The following FRMD5 variants were observed in gnomAD, a reference collection of about 807,000 sequenced individuals.
FRMD5 encodes the protein FERM domain containing 5, also known as FERM domain-containing protein 5.
A neutral mutation model predicts 69.0 loss-of-function variants in FRMD5; 20 were observed. That is an observed-to-expected ratio of 0.29 (90% CI 0.20 to 0.42). FRMD5 has a LOEUF of 0.42. Ranked by LOEUF, FRMD5 falls within the 10% of genes least tolerant of loss-of-function variation. The pLI is 1.00. For missense variants in FRMD5, 595 were observed against 708.6 expected (o/e 0.84, Z 1.82); for synonymous variants, 271 against 260.1 (o/e 1.04, Z -0.40).
At chr15:43,902,047 G>T (rs527799919) in intron 7 of FRMD5, 128 bp downstream of exon 7, 2 of 702,258 alleles carry the variant, frequency 2.8e-6, no homozygotes, top group South Asian at 3.4e-5. Flanking sequence ...CATTTTCTCT[G>T]ATATCTCACT....
upstream of FRMD5, among the ~76,000 whole-genome samples, chr15:44,198,367 C>T (rs904761976): frequency 6.7e-6 from 1 of 149,990 alleles, no homozygotes; most frequent in Admixed American, 6.7e-5. Flanking sequence ...ATCACATCTG[C>T]TTAGATGCTC....
At chr15:44,158,013 G>A (rs2077554310) in intron 1 of FRMD5, among the ~76,000 whole-genome samples, 2 of 152,130 alleles carry the variant, frequency 1.3e-5, no homozygotes, top group East Asian at 1.9e-4. Context: ...GACCTTTCTA[G>A]TTGAGCATCT....
intron 1 of FRMD5, among the ~76,000 whole-genome samples, chr15:44,047,572 T>C (rs564258298): frequency 5.3e-5 from 8 of 152,350 alleles, no homozygotes; most frequent in Non-Finnish European, 1.0e-4. Flanking sequence ...AATGGATTTA[T>C]TGAGATATAC....
upstream of FRMD5, among the ~76,000 whole-genome samples, chr15:44,198,880 A>T (rs2078325535): frequency 6.6e-6 from 1 of 152,242 alleles, no homozygotes; most frequent in South Asian, 2.1e-4. Flanking sequence ...ACATTTAAAA[A>T]TAAGAATCCA....
chr15:44,035,170 C>T (rs146745516), intron 1 of FRMD5, among the ~76,000 whole-genome samples: 12 of 152,220 alleles, frequency 7.9e-5, no homozygotes, highest in Admixed American at 1.3e-4. Context: ...GTGACTCTTC[C>T]GGGGCTAAGT....
At chr15:44,155,860 G>T (rs1566975274) in intron 1 of FRMD5, among the ~76,000 whole-genome samples, 1 of 152,016 alleles carries the variant, frequency 6.6e-6, no homozygotes, top group African/African-American at 2.4e-5. Flanking sequence ...CTTCCAAAGT[G>T]CTGGGATTAC....
intron 1 of FRMD5, among the ~76,000 whole-genome samples, chr15:43,938,575 C>A (rs2089804369): frequency 6.6e-6 from 1 of 152,180 alleles, no homozygotes; most frequent in South Asian, 2.1e-4. Flanking sequence ...GGTAGCTATG[C>A]ACATATATAC....
intron 13 of FRMD5, among the ~76,000 whole-genome samples, chr15:43,880,961 T>G (rs2088510132): frequency 6.6e-6 from 1 of 152,174 alleles, no homozygotes. Flanking sequence ...TCAGCATGTC[T>G]CAGGATCACA....
chr15:43,904,524 C>T (rs1363561094), intron 6 of FRMD5, among the ~76,000 whole-genome samples: 3 of 152,022 alleles, frequency 2.0e-5, no homozygotes, highest in African/African-American at 7.2e-5. Context: ...TGTGCCACCA[C>T]ATCTGGCTTT....
intron 2 of FRMD5, among the ~76,000 whole-genome samples, chr15:43,921,881 G>C (rs1433167926): frequency 2.0e-5 from 3 of 152,216 alleles, no homozygotes; most frequent in Non-Finnish European, 4.4e-5. Context: ...GCTTGCAGAT[G>C]CATGGAGGCT....
intron 1 of FRMD5, among the ~76,000 whole-genome samples, chr15:44,108,602 G>A (rs531791922): frequency 6.6e-6 from 1 of 152,224 alleles, no homozygotes; most frequent in South Asian, 2.1e-4. Context: ...CCGAGATCAC[G>A]CCATTGCACT....
At chr15:44,105,978 T>C (rs771828217) in intron 1 of FRMD5, among the ~76,000 whole-genome samples, 4 of 152,210 alleles carry the variant, frequency 2.6e-5, no homozygotes, top group Non-Finnish European at 5.9e-5. Context: ...CTATATACTT[T>C]ATCTTTCTGG....
chr15:44,173,473 A>T (rs996438670), intron 1 of FRMD5, among the ~76,000 whole-genome samples: 3 of 152,180 alleles, frequency 2.0e-5, no homozygotes, highest in African/African-American at 7.2e-5. Context: ...GACAGAGGCT[A>T]AAAGAATACA....
intron 1 of FRMD5, among the ~76,000 whole-genome samples, chr15:44,131,866 CA>C (rs566606063): frequency 9.4e-4 from 114 of 121,510 alleles, no homozygotes; most frequent in South Asian, 6.2e-3. Context: ...TCATGGAAGT[CA>C]ATTTTTCCAC....
intron 1 of FRMD5, among the ~76,000 whole-genome samples, chr15:43,942,892 T>A (rs190218772): frequency 2.0e-3 from 310 of 152,324 alleles, no homozygotes; most frequent in Admixed American, 5.2e-3. Flanking sequence ...CCCAAGTAAC[T>A]GGGACTTTAG....
At position 43,872,687 on chromosome 15, in the gene FRMD5, T is replaced by C. The variant is rs1172994113; in HGVS notation, c.*1198A>G. ...ACATTCTGTGTTTTGTAGGCATCTC[T>C]TAGAAATCTATTTTAAAAGATTCTT... On this transcript the variant is annotated 3_prime_UTR_variant, in exon 14 of 14. Coordinates refer to ENST00000417257, the MANE Select transcript of FRMD5 (RefSeq NM_032892.5). 1.3e-5 allele frequency: 2 copies of C among 154,920 alleles called. No homozygotes were observed. Among genetic ancestry groups the C allele is most frequent in the African/African-American group, 4.8e-5 (2 of 41,454 alleles). 9.6% of individuals were successfully genotyped at this position (154,920 alleles called of 1,614,324 possible).
chr15:43,950,342 A>T (rs777694018), intron 1 of FRMD5, among the ~76,000 whole-genome samples: 23 of 152,220 alleles, frequency 1.5e-4, no homozygotes, highest in Non-Finnish European at 3.1e-4. Flanking sequence ...CTCAATAAAA[A>T]GGGAGCAGGC....
chr15:44,132,284 G>C (rs2077112660), intron 1 of FRMD5, among the ~76,000 whole-genome samples: 1 of 152,172 alleles, frequency 6.6e-6, no homozygotes, highest in Non-Finnish European at 1.5e-5. Flanking sequence ...CGTGTGGCCT[G>C]GTTCCTAACA....
At chr15:44,138,563 A>T (rs1463616936) in intron 1 of FRMD5, among the ~76,000 whole-genome samples, 1 of 152,202 alleles carries the variant, frequency 6.6e-6, no homozygotes, top group Non-Finnish European at 1.5e-5. Flanking sequence ...CATCATAAAG[A>T]ATGTAGGCAA....
Sources: allele counts gnomAD v4.1 joint callset (sites outside exome capture counted in the v4.1 genomes callset), GRCh38; gene constraint gnomAD v4.1.1; transcripts MANE v1.5; gene names NCBI Gene and HGNC (gene_info 2026-07-23, HGNC 2026-07-21).